The following FAM53A variants were observed in gnomAD, a reference collection of about 807,000 sequenced individuals.
The protein encoded by FAM53A is family with sequence similarity 53 member A.
A neutral mutation model predicts 26.6 loss-of-function variants in FAM53A; 28 were observed. The ratio of observed to expected loss-of-function variants is 1.05; its 90% confidence interval spans 0.78 to 1.45. The LOEUF (loss-of-function observed/expected upper bound fraction) is 1.45, where lower values mean the gene tolerates loss of function less well. Among genes scored for constraint, FAM53A ranks in the 40% most tolerant of loss-of-function variants. The pLI is 0.00. For synonymous variants in FAM53A, 290 were observed against 253.1 expected, an observed-to-expected ratio of 1.15 and a Z score of -1.38; for missense variants, 650 against 575.8, an observed-to-expected ratio of 1.13 and a Z score of -1.32.
At chr4:1,606,091 T>A in the FAM53A span, among the ~76,000 whole-genome samples, 16 of 148,044 alleles carry the variant, frequency 1.1e-4, no homozygotes, top group African/African-American at 3.3e-4. Context: ...CAGGCTGGAG[T>A]GCAGTGGCGC....
chr4:1,630,665 CAG>C lies in FAM53A; in HGVS notation c.432-12556_432-12555del, dbSNP rs1027067735. Among the ~76,000 whole-genome samples the C allele has an allele frequency of 6.6e-6, 1 of 152,156 alleles. No individual in the cohort carries two copies. The highest frequency in any genetic ancestry group is 2.4e-5 in the African/African-American group (1 of 41,444). On this transcript the variant is annotated intron_variant, in intron 1 of 1. Coordinates refer to the FAM53A transcript ENST00000489029. This position sits in a 1 kb window ranked among gnomAD's most constrained non-coding sequence, Gnocchi z 4.3. ...TCTAAACACCATCGTGGAAGCCAGA[CAG>C]AAAAGGCCCGCACAGCATGATCCCA...
At chr4:1,611,053 C>T in the FAM53A span, among the ~76,000 whole-genome samples, 3 of 152,216 alleles carry the variant, frequency 2.0e-5, no homozygotes, top group African/African-American at 7.2e-5. Flanking sequence ...TGGTGACCTC[C>T]GGCAGATCCT....
chr4:1,667,583 G>A (rs538245292), intron 2 of FAM53A, among the ~76,000 whole-genome samples: 26 of 152,262 alleles, frequency 1.7e-4, no homozygotes, highest in South Asian at 6.2e-4. Context: ...GCCAGCTCTC[G>A]GGAGGAGAGG....
Position 1,641,375 on chromosome 4 carries a change from C to CG in FAM53A, c.1114dup (p.Arg372ProfsTer2), listed in dbSNP as rs1711697872. 1.2e-6 allele frequency: 2 copies of CG among 1,610,554 alleles called. No individual in the cohort carries two copies. Among genetic ancestry groups the CG allele is most frequent in the Non-Finnish European group, 1.7e-6 (2 of 1,179,108 alleles). ...CTCCTCCCCGACACTGTCCCCATCA[C>CG]GGGGGTCCCCGCTGCTCCTGCGGGA... On this transcript the variant is annotated frameshift_variant, in exon 5 of 5. Transcript: ENST00000308132. LOFTEE classifies it high-confidence loss of function.
At chr4:1,650,321 T>C (rs1465153606) in intron 4 of FAM53A, among the ~76,000 whole-genome samples, 5 of 140,294 alleles carry the variant, frequency 3.6e-5, no homozygotes, top group African/African-American at 1.4e-4. Context: ...GGCACAGGCA[T>C]AGTGTTTGAC....
chr4:1,648,153 G>A (rs1471549810), intron 4 of FAM53A, among the ~76,000 whole-genome samples: 2 of 152,170 alleles, frequency 1.3e-5, no homozygotes, highest in South Asian at 4.1e-4. Flanking sequence ...AGACTGCAGT[G>A]AGCTGTGATT....
At chr4:1,649,169 A>G (rs1201916055) in intron 4 of FAM53A, among the ~76,000 whole-genome samples, 5 of 129,896 alleles carry the variant, frequency 3.8e-5, no homozygotes, top group African/African-American at 1.6e-4. Context: ...GGGAAGGGGA[A>G]AGGGAAAGGG....
chr4:1,652,433 A>C (rs1204349336), intron 4 of FAM53A, among the ~76,000 whole-genome samples: 1 of 146,704 alleles, frequency 6.8e-6, no homozygotes, highest in Non-Finnish European at 1.5e-5. Context: ...TACACACCAC[A>C]CATCACACAC....
chr4:1,652,082 ACAC>A (rs1468297162), intron 4 of FAM53A, among the ~76,000 whole-genome samples: 1 of 141,628 alleles, frequency 7.1e-6, no homozygotes, highest in Non-Finnish European at 1.5e-5. Flanking sequence ...CCAGTCACAC[ACAC>A]ATCACACATA....
the FAM53A span, among the ~76,000 whole-genome samples, chr4:1,575,105 G>T: frequency 6.6e-6 from 1 of 152,078 alleles, no homozygotes; most frequent in Non-Finnish European, 1.5e-5. Flanking sequence ...GCTACCCCCT[G>T]AGTGCCCACT....
chr4:1,603,778 G>A, the FAM53A span, among the ~76,000 whole-genome samples: 1 of 152,262 alleles, frequency 6.6e-6, no homozygotes, highest in African/African-American at 2.4e-5. Context: ...ATTTAAAGTG[G>A]AAGAAGCAAT....
At chr4:1,657,240 C>T (rs1168096726) in intron 3 of FAM53A, among the ~76,000 whole-genome samples, 168 bp downstream of exon 3, 1 of 152,228 alleles carries the variant, frequency 6.6e-6, no homozygotes, top group Non-Finnish European at 1.5e-5. Flanking sequence ...CGGGCCCAGC[C>T]GTTGGAGGAC....
the FAM53A span, among the ~76,000 whole-genome samples, chr4:1,610,292 C>T: frequency 1.3e-5 from 2 of 152,150 alleles, no homozygotes; most frequent in African/African-American, 2.4e-5. Flanking sequence ...CTCCAGCTGC[C>T]TCCCCTGGCC....
At chr4:1,669,450 G>A (rs112466203) in intron 1 of FAM53A, among the ~76,000 whole-genome samples, 1 of 152,204 alleles carries the variant, frequency 6.6e-6, no homozygotes, top group Non-Finnish European at 1.5e-5. Flanking sequence ...GGTCTTTCAG[G>A]CTCTGAGCTC....
At chr4:1,684,973 G>A (rs371652538), upstream of FAM53A, among the ~76,000 whole-genome samples, 5 of 152,284 alleles carry the variant, frequency 3.3e-5, no homozygotes, top group East Asian at 5.8e-4. Context: ...ACCCTGCAGA[G>A]GAGAGGGTGG....
At chr4:1,647,735 G>A (rs953656878) in intron 4 of FAM53A, among the ~76,000 whole-genome samples, 2 of 152,182 alleles carry the variant, frequency 1.3e-5, no homozygotes, top group Non-Finnish European at 2.9e-5. Context: ...GTGTGCACAT[G>A]AGTGGGAGTG....
At chr4:1,605,291 G>A in the FAM53A span, among the ~76,000 whole-genome samples, 1 of 152,128 alleles carries the variant, frequency 6.6e-6, no homozygotes. This position sits in a 1 kb window ranked among gnomAD's most constrained non-coding sequence, Gnocchi z 5.7. Flanking sequence ...AACTCCCAGC[G>A]CAGCCTCCCC....
At chr4:1,621,014 C>T (rs1417921879) in intron 1 of FAM53A, among the ~76,000 whole-genome samples, 1 of 152,022 alleles carries the variant, frequency 6.6e-6, no homozygotes, top group Non-Finnish European at 1.5e-5. Flanking sequence ...TGCCAGAGCC[C>T]CAGCCATCAC....
At chr4:1,663,840 T>TA (rs200467394) in intron 2 of FAM53A, among the ~76,000 whole-genome samples, 1,618 of 136,360 alleles carry the variant, frequency 0.012, 29 homozygotes, top group African/African-American at 0.037. Context: ...ACCCTGTCTT[T>TA]AAAAAAAAAA....
Sources: allele counts gnomAD v4.1 joint callset (sites outside exome capture counted in the v4.1 genomes callset), GRCh38; gene constraint gnomAD v4.1.1; non-coding constraint Gnocchi (gnomAD v3.1); transcripts MANE v1.5; gene names NCBI Gene and HGNC (gene_info 2026-07-23, HGNC 2026-07-21).